Variants in DGKB observed in about 807,000 individuals in gnomAD.
DGKB encodes diacylglycerol kinase beta, also known as 90 kDa diacylglycerol kinase.
A neutral mutation model predicts 114.3 loss-of-function variants in DGKB; 67 were observed. The ratio of observed to expected loss-of-function variants is 0.59; its 90% CI spans 0.48 to 0.72. DGKB has a LOEUF of 0.72. Among genes scored for constraint, DGKB ranks in the 30% least tolerant of loss-of-function variants. The pLI, the probability that DGKB is intolerant of heterozygous loss-of-function variation, is 0.00. For missense variants in DGKB, 907 were observed against 975.2 expected, an observed-to-expected ratio of 0.93 and a Z score of 0.93; for synonymous variants, 398 against 323.1, an observed-to-expected ratio of 1.23 and a Z score of -2.49.
chr7:14,839,987 G>T (rs1310368453), intron 2 of DGKB, among the ~76,000 whole-genome samples: 2 of 152,092 alleles, frequency 1.3e-5, no homozygotes, highest in Non-Finnish European at 2.9e-5. Context: ...GCATTTATTA[G>T]TGTTCCTGGC....
chr7:14,262,317 C>A (rs937076415), intron 23 of DGKB, among the ~76,000 whole-genome samples: 2 of 152,060 alleles, frequency 1.3e-5, no homozygotes, highest in African/African-American at 2.4e-5. Context: ...AGAGGTGGTG[C>A]CTTTAGGAGG....
chr7:14,371,788 A>C (rs1340979587), intron 21 of DGKB, among the ~76,000 whole-genome samples: 1 of 152,074 alleles, frequency 6.6e-6, no homozygotes, highest in African/African-American at 2.4e-5. Context: ...GGATTCTTAT[A>C]GTTTGAAATT....
At chr7:14,907,343 C>T (rs1471926669), upstream of DGKB, among the ~76,000 whole-genome samples, 3 of 152,316 alleles carry the variant, frequency 2.0e-5, no homozygotes, top group East Asian at 1.9e-4. Flanking sequence ...ACAAAACAGA[C>T]GTGCTTCAAT....
intron 23 of DGKB, among the ~76,000 whole-genome samples, chr7:14,185,156 T>G (rs1281710086): frequency 6.6e-6 from 1 of 152,122 alleles, no homozygotes; most frequent in African/African-American, 2.4e-5. Flanking sequence ...CTCCTAGAAT[T>G]GATAAAAGAA....
intron 22 of DGKB, among the ~76,000 whole-genome samples, chr7:14,340,624 G>A (rs1562968497): frequency 6.6e-6 from 1 of 151,332 alleles, no homozygotes; most frequent in Non-Finnish European, 1.5e-5. Flanking sequence ...ACAAGCCACG[G>A]CCTGTGGCTT....
intron 17 of DGKB, among the ~76,000 whole-genome samples, chr7:14,600,396 A>G (rs1803329992): frequency 6.6e-6 from 1 of 152,192 alleles, no homozygotes; most frequent in African/African-American, 2.4e-5. Flanking sequence ...CCCAAAATTT[A>G]TGTTCTTCTG....
intron 23 of DGKB, among the ~76,000 whole-genome samples, chr7:14,218,107 C>T (rs1562649731): frequency 1.3e-5 from 2 of 152,128 alleles, no homozygotes; most frequent in South Asian, 4.2e-4. Flanking sequence ...GATGAAACTT[C>T]GTGTTCATAA....
chr7:14,928,227 A>C (rs984361121), intron 1 of DGKB, among the ~76,000 whole-genome samples: 2 of 151,958 alleles, frequency 1.3e-5, no homozygotes, highest in Non-Finnish European at 2.9e-5. Flanking sequence ...ATCCTAGTGC[A>C]TGAGTTTATA....
chr7:14,796,138 G>A (rs1380393943), intron 2 of DGKB, among the ~76,000 whole-genome samples: 1 of 152,140 alleles, frequency 6.6e-6, no homozygotes, highest in Non-Finnish European at 1.5e-5. Flanking sequence ...AAGTTGATGG[G>A]TGCAATTCCC....
intron 2 of DGKB, among the ~76,000 whole-genome samples, chr7:14,836,369 C>T (rs1035782364): frequency 7.9e-5 from 12 of 151,982 alleles, no homozygotes; most frequent in Non-Finnish European, 1.3e-4. Flanking sequence ...TAGTATTTTT[C>T]GAAAATAATT....
intron 17 of DGKB, among the ~76,000 whole-genome samples, chr7:14,583,794 G>A (rs1800311393): frequency 6.6e-6 from 1 of 152,146 alleles, no homozygotes. Context: ...TGCATGCAGG[G>A]TGCTTAATAA....
intron 4 of DGKB, chr7:14,750,331 A>G (rs1833924303): frequency 2.5e-6 from 1 of 406,724 alleles, no homozygotes; most frequent in African/African-American, 2.1e-5. Flanking sequence ...GTTTGAGAAA[A>G]AAAAGATATA....
intron 14 of DGKB, among the ~76,000 whole-genome samples, chr7:14,624,859 C>T (rs1808292634): frequency 6.6e-6 from 1 of 151,932 alleles, no homozygotes; most frequent in Non-Finnish European, 1.5e-5. Context: ...TATAGTCGGG[C>T]ATGGTGGTGG....
At chr7:14,229,620 A>G (rs1469108764) in intron 23 of DGKB, among the ~76,000 whole-genome samples, 2 of 151,912 alleles carry the variant, frequency 1.3e-5, no homozygotes, top group African/African-American at 4.8e-5. Flanking sequence ...AATTTATACC[A>G]CTATAGAAAT....
At chr7:14,754,938 C>A (rs1834652379) in intron 3 of DGKB, among the ~76,000 whole-genome samples, 2 of 152,106 alleles carry the variant, frequency 1.3e-5, no homozygotes, top group African/African-American at 4.8e-5. Flanking sequence ...AAGTGAAGAG[C>A]ACAGGGCATT....
rs1463811587 is a variant in DGKB, at chr7:14,682,841, A to G, written c.830T>C (p.Phe277Ser). ...GVGKQGLCCS[F>S]CKYTVHERCV... ...GCGCTCATGGACTGTGTACTTGCAG[A>G]CTGAAAGGAAACAGGTACACAAATT... is the stretch of plus-strand genomic sequence containing the variant. The change falls in exon 11 of 26, where the codon TTC (phenylalanine) becomes TCC (serine). Residue 277 changes from phenylalanine (F) to serine (S), a missense_variant and splice_region_variant. Physicochemically the swap from Phe to Ser is radical, Grantham distance 155. Around this residue, in one of 3 missense-constraint regions of DGKB, gnomAD observed 814 missense variants for 856.6 expected, o/e 0.95. Coordinates refer to ENST00000402815, the MANE Select transcript of DGKB (RefSeq NM_001350709.2). The G allele has an allele frequency of 6.3e-7, 1 of 1,578,710 alleles. No individual in the cohort carries two copies. The highest frequency in any genetic ancestry group is 2.3e-5 in the East Asian group (1 of 43,268).
intron 23 of DGKB, among the ~76,000 whole-genome samples, chr7:14,180,284 AC>A (rs1782441870): frequency 6.6e-6 from 1 of 152,184 alleles, no homozygotes. Flanking sequence ...CTTTCTCAAG[AC>A]AGAGTTAATC....
chr7:14,615,839 G>C (rs1019308910), intron 15 of DGKB, among the ~76,000 whole-genome samples: 2 of 151,582 alleles, frequency 1.3e-5, no homozygotes, highest in African/African-American at 4.8e-5. Context: ...TTTGATTCCA[G>C]ATTCTGGTTT....
At chr7:14,655,737 A>C (rs1016498418) in intron 13 of DGKB, among the ~76,000 whole-genome samples, 10 of 151,604 alleles carry the variant, frequency 6.6e-5, no homozygotes, top group Non-Finnish European at 1.5e-5. Context: ...ATTTTTTGCA[A>C]CATGGATGAA....
Sources: allele counts gnomAD v4.1 joint callset (sites outside exome capture counted in the v4.1 genomes callset), GRCh38; gene constraint gnomAD v4.1.1; regional missense constraint gnomAD v4.1.1; transcripts MANE v1.5; gene names NCBI Gene and HGNC (gene_info 2026-07-23, HGNC 2026-07-21).